SAMD12: variants seen among roughly 807,000 people sequenced by gnomAD.
SAMD12 encodes the protein sterile alpha motif domain containing 12.
A neutral mutation model predicts 15.0 loss-of-function variants in SAMD12; 9 were observed. That is an observed-to-expected ratio of 0.60 (90% CI 0.36 to 1.05). SAMD12 has a LOEUF of 1.05. Among genes scored for constraint, SAMD12 ranks in the 50% least tolerant of loss-of-function variants. The pLI is 0.01. For synonymous variants in SAMD12, 86 were observed against 90.1 expected (o/e 0.96, Z 0.25); for missense variants, 230 against 234.2 (o/e 0.98, Z 0.12).
chr8:118,139,208 C>T, the SAMD12 span, among the ~76,000 whole-genome samples: 3 of 145,512 alleles, frequency 2.1e-5, no homozygotes, highest in Admixed American at 1.4e-4. Flanking sequence ...AGGGTTTTGG[C>T]AGACATTAAA....
chr8:118,427,072 T>A (rs1822255800), intron 3 of SAMD12, among the ~76,000 whole-genome samples: 1 of 152,230 alleles, frequency 6.6e-6, no homozygotes, highest in Non-Finnish European at 1.5e-5. Context: ...CACCGTGCCT[T>A]TCTTTATAAG....
intron 3 of SAMD12, among the ~76,000 whole-genome samples, chr8:118,427,390 A>C (rs1822264635): frequency 1.3e-5 from 2 of 152,222 alleles, no homozygotes; most frequent in South Asian, 4.1e-4. Context: ...TGAAATATCA[A>C]GTAGATGATG....
chr8:118,407,176 T>C (rs1821174806), intron 3 of SAMD12, among the ~76,000 whole-genome samples: 1 of 152,166 alleles, frequency 6.6e-6, no homozygotes, highest in Admixed American at 6.5e-5. Flanking sequence ...TTCTTTTAAA[T>C]ATGTATTCAA....
chr8:118,456,406 C>T (rs933895562), intron 2 of SAMD12, among the ~76,000 whole-genome samples: 6 of 152,172 alleles, frequency 3.9e-5, no homozygotes, highest in African/African-American at 1.2e-4. Context: ...CTGATATTTT[C>T]CTACACCTAT....
At chr8:118,486,010 T>C (rs950730306) in intron 2 of SAMD12, among the ~76,000 whole-genome samples, 5 of 152,288 alleles carry the variant, frequency 3.3e-5, no homozygotes, top group African/African-American at 9.6e-5. Context: ...TCCTTAACCT[T>C]CTAACCTGGG....
At chr8:118,252,522 C>T (rs1812843167) in intron 4 of SAMD12, among the ~76,000 whole-genome samples, 1 of 152,178 alleles carries the variant, frequency 6.6e-6, no homozygotes, top group African/African-American at 2.4e-5. Flanking sequence ...GCTCCGCATC[C>T]AGTTCAGCAC....
At chr8:118,331,604 G>A (rs910910043) in intron 4 of SAMD12, among the ~76,000 whole-genome samples, 2 of 152,194 alleles carry the variant, frequency 1.3e-5, no homozygotes, top group Admixed American at 6.5e-5. Context: ...TTTCAGCCAG[G>A]GAAGGGCTCT....
chr8:118,168,964 A>G, the SAMD12 span, among the ~76,000 whole-genome samples: 1 of 152,220 alleles, frequency 6.6e-6, no homozygotes, highest in Non-Finnish European at 1.5e-5. Flanking sequence ...CACCCTTAAC[A>G]CATTCAAAGA....
intron 3 of SAMD12, among the ~76,000 whole-genome samples, chr8:118,390,250 C>T (rs55866641): frequency 9.9e-5 from 15 of 152,086 alleles, no homozygotes; most frequent in Admixed American, 2.6e-4. Flanking sequence ...CCTCGTAAGC[C>T]GCCTGCCTAA....
intron 3 of SAMD12, among the ~76,000 whole-genome samples, chr8:118,389,902 A>AT (rs1820175971): frequency 6.6e-6 from 1 of 152,104 alleles, no homozygotes; most frequent in African/African-American, 2.4e-5. Flanking sequence ...AAATTGGCTA[A>AT]TTTTTTCCAT....
At chr8:118,460,924 C>T (rs1349898622) in intron 2 of SAMD12, among the ~76,000 whole-genome samples, 1 of 152,312 alleles carries the variant, frequency 6.6e-6, no homozygotes, top group Middle Eastern at 3.4e-3. Context: ...CTACATCACT[C>T]ATCACTTTCT....
intron 2 of SAMD12, among the ~76,000 whole-genome samples, chr8:118,531,294 G>A (rs1184656330): frequency 6.6e-6 from 1 of 152,212 alleles, no homozygotes; most frequent in Non-Finnish European, 1.5e-5. Flanking sequence ...CTATATCTCT[G>A]TTTTGGTACC....
chr8:118,243,014 G>A (rs564602719), intron 4 of SAMD12, among the ~76,000 whole-genome samples: 1 of 152,168 alleles, frequency 6.6e-6, no homozygotes, highest in Non-Finnish European at 1.5e-5. Context: ...CTCCATCTTT[G>A]GTCTAAAGCA....
chr8:118,275,267 T>G (rs1013931988), intron 4 of SAMD12, among the ~76,000 whole-genome samples: 5 of 152,178 alleles, frequency 3.3e-5, no homozygotes, highest in Non-Finnish European at 7.4e-5. Context: ...TTTCTAATTT[T>G]GTTTTCAGGG....
the SAMD12 span, among the ~76,000 whole-genome samples, chr8:118,154,193 A>T: frequency 6.6e-6 from 1 of 151,964 alleles, no homozygotes; most frequent in Non-Finnish European, 1.5e-5. Flanking sequence ...AATAATGCCA[A>T]AATCTTTATC....
intron 3 of SAMD12, among the ~76,000 whole-genome samples, chr8:118,438,400 T>C (rs1297802214): frequency 7.6e-6 from 1 of 130,738 alleles, no homozygotes; most frequent in Non-Finnish European, 1.6e-5. Context: ...AAACATTTAG[T>C]GCTTAAATGT....
chr8:118,523,231 G>A (rs1825440847), intron 2 of SAMD12, among the ~76,000 whole-genome samples: 1 of 152,054 alleles, frequency 6.6e-6, no homozygotes, highest in Non-Finnish European at 1.5e-5. Flanking sequence ...GAGGGAGGTG[G>A]GGGGCACTCC....
At chr8:118,519,957 C>T (rs1825345580) in intron 2 of SAMD12, among the ~76,000 whole-genome samples, 1 of 152,032 alleles carries the variant, frequency 6.6e-6, no homozygotes, top group Non-Finnish European at 1.5e-5. Flanking sequence ...TACGTTGGTG[C>T]TTCCATAAGT....
the SAMD12 span, among the ~76,000 whole-genome samples, chr8:118,159,788 T>C: frequency 1.3e-4 from 20 of 150,546 alleles, no homozygotes; most frequent in African/African-American, 4.9e-4. Flanking sequence ...CGATCTCAGC[T>C]CACTGCAACC....
Sources: gnomAD v4.1 joint callset for allele counts (sites outside exome capture counted in the v4.1 genomes callset) on GRCh38, gnomAD v4.1.1 for gene constraint, MANE v1.5 for transcripts, NCBI Gene and HGNC (gene_info 2026-07-23, HGNC 2026-07-21) for gene names.